The following RNF34 variants were observed in gnomAD, a reference collection of about 807,000 sequenced individuals.
RNF34 encodes E3 ubiquitin-protein ligase RNF34.
A neutral mutation model predicts 37.9 loss-of-function variants in RNF34; 12 were observed. That is an observed-to-expected ratio of 0.32 (90% CI 0.20 to 0.51). The LOEUF is 0.51. Among genes scored for constraint, RNF34 ranks in the 20% least tolerant of loss-of-function variants. The pLI is 0.97. For synonymous variants in RNF34, 155 were observed against 177.2 expected (o/e 0.87, Z 1.00); for missense variants, 362 against 472.7 (o/e 0.77, Z 2.17).
At position 121,402,846 on chromosome 12, in the gene RNF34, C is replaced by T. The variant is rs41422244; in HGVS notation, c.6+2628C>T. 407 of 1,468,574 alleles carry T rather than the reference C, an allele frequency of 2.8e-4. 3 individuals are homozygous for T. The East Asian group carries it at 8.7e-3, about 31-fold the overall frequency. 91.0% of individuals were successfully genotyped at this position (1,468,574 alleles called of 1,614,324 possible). On this transcript the variant is annotated intron_variant, in intron 1 of 5. Coordinates refer to ENST00000361234, the MANE Select transcript of RNF34 (RefSeq NM_025126.4). ...CTATAGCACATGTTATTGTAATAAT[C>T]GATCAGTTTGGCCAATGTCTTGTCT...
intron 1 of RNF34, among the ~76,000 whole-genome samples, chr12:121,402,081 C>T (rs1870045359): frequency 6.6e-6 from 1 of 152,156 alleles, no homozygotes; most frequent in African/African-American, 2.4e-5. Context: ...GGAATGCTAA[C>T]ATGTGAATGT....
At chr12:121,421,577 T>C (rs1178311043) in intron 5 of RNF34, among the ~76,000 whole-genome samples, 1 of 151,964 alleles carries the variant, frequency 6.6e-6, no homozygotes, top group African/African-American at 2.4e-5. Flanking sequence ...CAACTATACA[T>C]TGATGAAATT....
intron 1 of RNF34, among the ~76,000 whole-genome samples, chr12:121,410,190 C>A (rs1031928894): frequency 6.6e-6 from 1 of 151,334 alleles, no homozygotes; most frequent in Non-Finnish European, 1.5e-5. Context: ...CATTTCAGCA[C>A]TGGGATGCCA....
chr12:121,416,983 C>A (rs1208932603), intron 2 of RNF34, among the ~76,000 whole-genome samples: 2 of 152,218 alleles, frequency 1.3e-5, no homozygotes, highest in African/African-American at 2.4e-5. Flanking sequence ...CCTCTTTAAG[C>A]TTCTCTAGTG....
intron 4 of RNF34, 54 bp from the exon 5 acceptor site, chr12:121,420,523 T>C: frequency 1.3e-6 from 2 of 1,592,510 alleles, no homozygotes; most frequent in Non-Finnish European, 1.7e-6. Context: ...GAGTTTAGAG[T>C]GGGGAGGGTC....
At chr12:121,401,170 TGTC>T (rs1464993025) in intron 1 of RNF34, among the ~76,000 whole-genome samples, 89 of 151,460 alleles carry the variant, frequency 5.9e-4, no homozygotes, top group African/African-American at 2.0e-3. Context: ...TGAAAAAGAG[TGTC>T]AGCTGGTCAC....
chr12:121,413,374 A>G (rs1871272120), intron 1 of RNF34, among the ~76,000 whole-genome samples: 1 of 150,894 alleles, frequency 6.6e-6, no homozygotes, highest in Non-Finnish European at 1.5e-5. Context: ...TTTGAGGTAT[A>G]TAATCATTTA....
At chr12:121,413,020 ATT>A (rs77507303) in intron 1 of RNF34, among the ~76,000 whole-genome samples, 1 of 133,730 alleles carries the variant, frequency 7.5e-6, no homozygotes, top group South Asian at 2.4e-4. Flanking sequence ...TGCCCAGGCT[ATT>A]TTTTTTTTCC....
At chr12:121,411,374 C>T (rs1373967739) in intron 1 of RNF34, among the ~76,000 whole-genome samples, 7 of 152,176 alleles carry the variant, frequency 4.6e-5, no homozygotes, top group African/African-American at 1.7e-4. Context: ...GGTATCTACA[C>T]AGAGAATCCA....
chr12:121,421,648 G>GA (rs880003090), intron 5 of RNF34, among the ~76,000 whole-genome samples: 2 of 152,064 alleles, frequency 1.3e-5, no homozygotes, highest in African/African-American at 4.8e-5. Flanking sequence ...TTATGGACAA[G>GA]AAAAAATAAT....
rs1872357735 is a variant in RNF34 at position 121,423,651 on chromosome 12, A to G, written c.*75A>G. The stretch of plus-strand genomic sequence containing the variant: ...TTTCAATGCACAGAAGGGACTGGAA[A>G]GTTATGTTCAAAGGCTGAAGCTATT... On this transcript the variant is annotated 3_prime_UTR_variant, in exon 6 of 6. Coordinates refer to ENST00000361234, the MANE Select transcript of RNF34 (RefSeq NM_025126.4). The surrounding 1 kb of genome is among the most constrained non-coding windows in gnomAD (Gnocchi z 4.3). The G allele has an allele frequency of 1.6e-6, 2 of 1,264,872 alleles. No homozygotes were observed. The highest frequency in any genetic ancestry group is 2.4e-5 in the East Asian group (1 of 41,126). 78.4% of individuals were successfully genotyped at this position (1,264,872 alleles called of 1,614,324 possible).
rs142639830 is a variant in RNF34, at chr12:121,422,407, A to G, written c.929-979A>G. Among the ~76,000 whole-genome samples the G allele has an allele frequency of 1.2e-4, 19 of 152,308 alleles. No homozygotes were observed. In the East Asian group the frequency reaches 3.7e-3, roughly 29 times the overall value. On this transcript the variant is annotated intron_variant, in intron 5 of 5. Coordinates refer to ENST00000361234, the MANE Select transcript of RNF34 (RefSeq NM_025126.4). ...GGGAAGGAACCCTCCACACAGAAGGAGAGACCAAGGCCCACTCTGATTTCA... is the reference window on the plus strand; with the variant it reads ...GGGAAGGAACCCTCCACACAGAAGGGGAGACCAAGGCCCACTCTGATTTCA...
At chr12:121,410,227 G>A (rs1555281213) in intron 1 of RNF34, among the ~76,000 whole-genome samples, 2 of 151,060 alleles carry the variant, frequency 1.3e-5, no homozygotes, top group Non-Finnish European at 3.0e-5. Flanking sequence ...AAGGGGAGAT[G>A]GAAATTAAAA....
intron 1 of RNF34, among the ~76,000 whole-genome samples, chr12:121,411,131 A>G (rs899385346): frequency 1.1e-4 from 16 of 151,992 alleles, no homozygotes; most frequent in South Asian, 4.1e-4. Flanking sequence ...GAGTCTCCCT[A>G]TGTTGCCCAG....
intron 1 of RNF34, among the ~76,000 whole-genome samples, chr12:121,401,027 G>A (rs1248071354): frequency 6.6e-6 from 1 of 152,102 alleles, no homozygotes. Context: ...GAGTCATAAG[G>A]TGATGATAAC....
At chr12:121,420,529 G>A (rs1872035581) in intron 4 of RNF34, 48 bp from the exon 5 acceptor site, 2 of 1,595,454 alleles carry the variant, frequency 1.3e-6, no homozygotes, top group Non-Finnish European at 1.7e-6. Context: ...AGAGTGGGGA[G>A]GGTCTGGACT....
intron 5 of RNF34, among the ~76,000 whole-genome samples, chr12:121,421,201 T>C (rs1555283308): frequency 6.6e-6 from 1 of 151,700 alleles, no homozygotes; most frequent in Non-Finnish European, 1.5e-5. Context: ...GCATCAACTA[T>C]CTGTAGATTT....
chr12:121,407,086 C>G (rs1001171898), intron 1 of RNF34, among the ~76,000 whole-genome samples: 5 of 152,058 alleles, frequency 3.3e-5, no homozygotes, highest in Admixed American at 1.3e-4. Flanking sequence ...TCCCCCTCCC[C>G]CCAGATTATT....
At chr12:121,404,548 A>G (rs1437158349) in intron 1 of RNF34, among the ~76,000 whole-genome samples, 1 of 151,720 alleles carries the variant, frequency 6.6e-6, no homozygotes, top group African/African-American at 2.4e-5. Context: ...CACCACACCC[A>G]GCTAATTTTT....
Sources: allele counts gnomAD v4.1 joint callset (sites outside exome capture counted in the v4.1 genomes callset), GRCh38; gene constraint gnomAD v4.1.1; non-coding constraint Gnocchi (gnomAD v3.1); transcripts MANE v1.5; gene names NCBI Gene and HGNC (gene_info 2026-07-23, HGNC 2026-07-21).